The following CHRM3 variants were observed in gnomAD, a reference collection of about 807,000 sequenced individuals.
The protein encoded by CHRM3 is cholinergic receptor muscarinic 3, also known as muscarinic acetylcholine receptor M3.
Under a neutral mutation model 41.8 loss-of-function variants are expected in CHRM3, and 11 were observed. The ratio of observed to expected loss-of-function variants is 0.26; its 90% CI spans 0.17 to 0.44. CHRM3 has a LOEUF of 0.44. CHRM3 is among the 20% of genes least tolerant of loss of function. The pLI is 1.00. For synonymous variants in CHRM3, 297 were observed against 301.4 expected (o/e 0.99, Z 0.15); for missense variants, 571 against 745.4 (o/e 0.77, Z 2.72).
chr1:239,699,986 C>G (rs1403552021), intron 5 of CHRM3, among the ~76,000 whole-genome samples: 1 of 152,008 alleles, frequency 6.6e-6, no homozygotes, highest in African/African-American at 2.4e-5. Context: ...AATTTTCATT[C>G]TATTCAGCAG....
chr1:239,406,962 C>A (rs912305507), intron 1 of CHRM3, among the ~76,000 whole-genome samples: 2 of 152,122 alleles, frequency 1.3e-5, no homozygotes, highest in African/African-American at 4.8e-5. Flanking sequence ...CCAGGCATTT[C>A]TTCTTTTAAG....
chr1:239,578,785 T>C (rs1351434932), intron 3 of CHRM3, among the ~76,000 whole-genome samples: 3 of 152,004 alleles, frequency 2.0e-5, no homozygotes. Flanking sequence ...CTCCACCCGG[T>C]CCCCAACCCA....
intron 3 of CHRM3, among the ~76,000 whole-genome samples, chr1:239,615,546 C>G (rs566844665): frequency 6.6e-6 from 1 of 152,102 alleles, no homozygotes; most frequent in Admixed American, 6.5e-5. Context: ...ACCGTAAACA[C>G]AAGCAATAAA....
Position 239,683,684 on chromosome 1 carries a change from C to T in CHRM3, c.-147+5396C>T, listed in dbSNP as rs12077789. 3.6e-3 allele frequency among the ~76,000 whole-genome samples: 542 copies of T among 152,296 alleles called. 5 individuals are homozygous for T. Among genetic ancestry groups the T allele is most frequent in the African/African-American group, 0.012 (502 of 41,564 alleles). ...CGACAGCATCTCTGCAAACTCTAGTCTGGTATAGAAACAGCTCTACTTGTG... is the reference window on the plus strand; with the variant it reads ...CGACAGCATCTCTGCAAACTCTAGTTTGGTATAGAAACAGCTCTACTTGTG... On this transcript the variant is annotated intron_variant, in intron 5 of 6. Coordinates refer to ENST00000676153, the MANE Select transcript of CHRM3 (RefSeq NM_001375978.1).
intron 6 of CHRM3, among the ~76,000 whole-genome samples, chr1:239,893,733 TAAAAA>T (rs5782109): frequency 1.6e-5 from 2 of 128,630 alleles, no homozygotes. Context: ...TTTGAAATCA[TAAAAA>T]AAAAAAAAAA....
chr1:239,618,716 C>T (rs546996523), intron 3 of CHRM3, among the ~76,000 whole-genome samples: 30 of 150,118 alleles, frequency 2.0e-4, no homozygotes, highest in African/African-American at 5.1e-4. Flanking sequence ...TGGTGGCAGC[C>T]ACCTGTAGTC....
At chr1:239,410,723 C>T (rs1001816045) in intron 1 of CHRM3, among the ~76,000 whole-genome samples, 13 of 152,272 alleles carry the variant, frequency 8.5e-5, no homozygotes, top group South Asian at 4.1e-4. Flanking sequence ...TGTTAAGATC[C>T]GCTGACCCCT....
intron 1 of CHRM3, among the ~76,000 whole-genome samples, chr1:239,438,053 C>A (rs907559997): frequency 6.6e-6 from 1 of 152,172 alleles, no homozygotes; most frequent in Non-Finnish European, 1.5e-5. Context: ...ACCACAGACT[C>A]TAAAGCTCAG....
At chr1:239,906,852 G>A (rs568718267) in intron 6 of CHRM3, among the ~76,000 whole-genome samples, 23 of 152,242 alleles carry the variant, frequency 1.5e-4, no homozygotes, top group Non-Finnish European at 3.1e-4. Flanking sequence ...TACAAGGAAC[G>A]GATGTCTTAC....
chr1:239,851,757 T>G (rs1043268858), intron 6 of CHRM3, among the ~76,000 whole-genome samples: 5 of 152,134 alleles, frequency 3.3e-5, no homozygotes, highest in African/African-American at 4.8e-5. Flanking sequence ...TGCTTGCCTA[T>G]TTGACTATTT....
At chr1:239,578,598 T>C (rs191901634) in intron 3 of CHRM3, among the ~76,000 whole-genome samples, 1 of 152,318 alleles carries the variant, frequency 6.6e-6, no homozygotes, top group African/African-American at 2.4e-5. Flanking sequence ...ATGTGACTAT[T>C]TTGAAGATGA....
chr1:239,553,822 C>G (rs779446412), intron 3 of CHRM3, among the ~76,000 whole-genome samples: 12 of 152,022 alleles, frequency 7.9e-5, no homozygotes, highest in Non-Finnish European at 1.5e-4. Context: ...GTTATTTATC[C>G]CAACAAGGAA....
In CHRM3 at chr1:239,387,985, C is replaced by T. The variant is rs1425726709; in HGVS notation, c.-521+758C>T. On this transcript the variant is annotated intron_variant, in intron 1 of 6. Transcript: ENST00000676153. This position sits in a 1 kb window ranked among gnomAD's most constrained non-coding sequence, Gnocchi z 5.1. ...TTTGCGTGTTTTTAAACGGCGGGGG[C>T]GGGCGGACAGTTGACTCCAGCAGCA... 2.6e-5 allele frequency among the ~76,000 whole-genome samples: 4 copies of T among 151,990 alleles called. No individual in the cohort carries two copies. The highest frequency in any genetic ancestry group is 2.1e-4 in the South Asian group (1 of 4,808).
intron 1 of CHRM3, among the ~76,000 whole-genome samples, chr1:239,477,123 G>A (rs1018925603): frequency 6.6e-6 from 1 of 152,150 alleles, no homozygotes; most frequent in Non-Finnish European, 1.5e-5. Context: ...TATGATTAAA[G>A]CGAACAGAAT....
At chr1:239,743,794 T>TTC (rs1665092929) in intron 5 of CHRM3, among the ~76,000 whole-genome samples, 1 of 131,314 alleles carries the variant, frequency 7.6e-6, no homozygotes, top group Non-Finnish European at 1.6e-5. Flanking sequence ...TTTTCTTTTT[T>TTC]TTTTTTTTTT....
At chr1:239,501,658 A>T (rs1668248227) in intron 2 of CHRM3, among the ~76,000 whole-genome samples, 1 of 152,138 alleles carries the variant, frequency 6.6e-6, no homozygotes, top group Admixed American at 6.5e-5. Flanking sequence ...GACCAAGACC[A>T]TTCTGGCTAA....
intron 5 of CHRM3, among the ~76,000 whole-genome samples, chr1:239,737,510 A>T (rs894972151): frequency 2.0e-5 from 3 of 152,204 alleles, no homozygotes; most frequent in Non-Finnish European, 4.4e-5. Context: ...AGTCCTAAGC[A>T]CATAGTTCAA....
intron 5 of CHRM3, among the ~76,000 whole-genome samples, chr1:239,757,284 G>A (rs1688300201): frequency 6.6e-6 from 1 of 152,124 alleles, no homozygotes; most frequent in Admixed American, 6.6e-5. Flanking sequence ...TTCTTATCCT[G>A]TTTTATTAAT....
intron 3 of CHRM3, among the ~76,000 whole-genome samples, chr1:239,554,133 C>T (rs900646471): frequency 2.6e-5 from 4 of 152,084 alleles, no homozygotes; most frequent in African/African-American, 9.7e-5. Context: ...AAGTGATCCT[C>T]CCACCTTTGC....
Sources: gnomAD v4.1 joint callset for allele counts (sites outside exome capture counted in the v4.1 genomes callset) on GRCh38, gnomAD v4.1.1 for gene constraint, Gnocchi (gnomAD v3.1) non-coding constraint, MANE v1.5 for transcripts, NCBI Gene and HGNC (gene_info 2026-07-23, HGNC 2026-07-21) for gene names.